ATXN7L3B: variants seen among roughly 807,000 people sequenced by gnomAD.
ATXN7L3B encodes the protein ataxin-7-like protein 3B.
In ATXN7L3B, 4 loss-of-function variants were observed where a neutral mutation model predicts 6.3. The observed-to-expected ratio is 0.63, with a 90% CI of 0.31 to 1.45. The LOEUF (loss-of-function observed/expected upper bound fraction) is 1.45. ATXN7L3B is among the 40% of genes most tolerant of loss of function. ATXN7L3B has a pLI of 0.07. For synonymous variants in ATXN7L3B, 63 were observed against 48.0 expected, an observed-to-expected ratio of 1.31 and a Z score of -1.29; for missense variants, 120 against 118.5, an observed-to-expected ratio of 1.01 and a Z score of -0.06.
rs1446358840 is a variant in ATXN7L3B, at chr12:74,543,286, TA to T, written c.*4881del. ...AATTTACAAGTGGTGGAAGCAAAAG[TA>T]GAATGCTGCTGTTGTGACTCCTAGG... On this transcript the variant is annotated 3_prime_UTR_variant, in exon 1 of 1. Transcript: ENST00000519948. The T allele has an allele frequency of 7.9e-5, 12 of 152,064 alleles. No homozygotes were observed. Among genetic ancestry groups the T allele is most frequent in the Non-Finnish European group, 1.5e-4 (10 of 67,946 alleles). The allele number at this position is 152,064 out of a possible 1,614,324, so 9.4% of individuals were successfully genotyped here.
chr12:74,543,315 A>C lies in ATXN7L3B; in HGVS notation c.*4909A>C, dbSNP rs1290246106. Reference sequence around the variant, plus strand: ...ATGCTGCTGTTGTGACTCCTAGGTCAGCGGTCTTTGTTGAAGCAATGGAGT... The same window carrying C: ...ATGCTGCTGTTGTGACTCCTAGGTCCGCGGTCTTTGTTGAAGCAATGGAGT... On this transcript the variant is annotated 3_prime_UTR_variant, in exon 1 of 1. Coordinates refer to ENST00000519948, the MANE Select transcript of ATXN7L3B (RefSeq NM_001136262.2). 1 of 152,124 alleles carries C rather than the reference A, an allele frequency of 6.6e-6. No individual in the cohort carries two copies. Among genetic ancestry groups the C allele is most frequent in the Non-Finnish European group, 1.5e-5 (1 of 67,972 alleles). The allele number at this position is 152,124 out of a possible 1,614,324, so 9.4% of individuals were successfully genotyped here.
Position 74,542,200 on chromosome 12 carries a change from T to C in ATXN7L3B, c.*3794T>C, listed in dbSNP as rs191001680. 2 of 152,304 alleles carry C rather than the reference T, an allele frequency of 1.3e-5. No homozygotes were observed. The highest frequency in any genetic ancestry group is 1.3e-4 in the Admixed American group (2 of 15,302). The allele number at this position is 152,304 out of a possible 1,614,324, so 9.4% of individuals were successfully genotyped here. ...TCGATGTACTTGTCACTGTCCAGTT[T>C]AAATAGGCCAGGGCCAACGTGGTGA... is the stretch of plus-strand genomic sequence containing the variant. On this transcript the variant is annotated 3_prime_UTR_variant, in exon 1 of 1. Transcript: ENST00000519948.
rs1425707975 is a variant in ATXN7L3B at position 74,538,887 on chromosome 12, A to G, written c.*481A>G. 1 of 171,632 alleles carries G rather than the reference A, an allele frequency of 5.8e-6. No homozygotes were observed. Among genetic ancestry groups the G allele is most frequent in the East Asian group, 1.9e-4 (1 of 5,268 alleles). 10.6% of individuals were successfully genotyped at this position (171,632 alleles called of 1,614,324 possible). A position where few individuals can be genotyped will look rare whatever the true frequency, so the allele number is the denominator to read the frequency against. On this transcript the variant is annotated 3_prime_UTR_variant, in exon 1 of 1. Coordinates refer to ENST00000519948, the MANE Select transcript of ATXN7L3B (RefSeq NM_001136262.2). ...CTCTGTTATGGGCTTCTCTGAGACA[A>G]GTAAATGTCAGGTGCAAGATCTGGA...
At position 74,541,129 on chromosome 12, in the gene ATXN7L3B, AGT is replaced by A. The variant is rs3031589; in HGVS notation, c.*2738_*2739del. ...ACCCTGCAATCCTATTATGTATCTG[AGT>A]GTGTGTGTGTGTGTATGTGTGTGTT... On this transcript the variant is annotated 3_prime_UTR_variant, in exon 1 of 1. Coordinates refer to ENST00000519948, the MANE Select transcript of ATXN7L3B (RefSeq NM_001136262.2). The A allele has an allele frequency of 3.8e-4, 61 of 161,660 alleles. No homozygotes were observed. Among genetic ancestry groups the A allele is most frequent in the Admixed American group, 2.0e-4 (3 of 14,968 alleles). The allele number at this position is 161,660 out of a possible 1,614,324, so 10.0% of individuals were successfully genotyped here.
In ATXN7L3B at chr12:74,542,378, A is replaced by G. The variant is rs1454095832; in HGVS notation, c.*3972A>G. Reference sequence around the variant, plus strand: ...AATTCACTGTAGGGATCTACTATCAATTAGCTTTCAAATACATCTGCAGCA... The same window carrying G: ...AATTCACTGTAGGGATCTACTATCAGTTAGCTTTCAAATACATCTGCAGCA... On this transcript the variant is annotated 3_prime_UTR_variant, in exon 1 of 1. Transcript: ENST00000519948. The G allele has an allele frequency of 6.6e-6, 1 of 152,188 alleles. No homozygotes were observed. The highest frequency in any genetic ancestry group is 1.9e-4 in the East Asian group (1 of 5,202). The allele number at this position is 152,188 out of a possible 1,614,324, so 9.4% of individuals were successfully genotyped here.
rs953311392 is a variant in ATXN7L3B at position 74,544,027 on chromosome 12, A to G, written c.*5621A>G. The G allele has an allele frequency of 6.6e-6, 1 of 152,080 alleles. No homozygotes were observed. The highest frequency in any genetic ancestry group is 2.4e-5 in the African/African-American group (1 of 41,454). The allele number at this position is 152,080 out of a possible 1,614,324, so 9.4% of individuals were successfully genotyped here. On this transcript the variant is annotated 3_prime_UTR_variant, in exon 1 of 1. Coordinates refer to ENST00000519948, the MANE Select transcript of ATXN7L3B (RefSeq NM_001136262.2). Reference sequence around the variant, plus strand: ...TTGTTCTCAGATGACATCTACATCTACATGGATAATTTTATAGAATCTACA... The same window carrying G: ...TTGTTCTCAGATGACATCTACATCTGCATGGATAATTTTATAGAATCTACA...
In ATXN7L3B at chr12:74,540,342, A is replaced by T. The variant is rs897079955; in HGVS notation, c.*1936A>T. ...CTAAGTAGAAGAGCAGTAAAGGCTG[A>T]TTGACACACAGGGGGATGGAGTTGG... On this transcript the variant is annotated 3_prime_UTR_variant, in exon 1 of 1. Transcript: ENST00000519948. 1 of 167,092 alleles carries T rather than the reference A, an allele frequency of 6.0e-6. No individual in the cohort carries two copies. The highest frequency in any genetic ancestry group is 6.5e-5 in the Admixed American group (1 of 15,282). The allele number at this position is 167,092 out of a possible 1,614,324, so 10.4% of individuals were successfully genotyped here.
At position 74,544,790 on chromosome 12, in the gene ATXN7L3B, T is replaced by G. The variant is rs1429118049; in HGVS notation, c.*6384T>G. 2 of 152,038 alleles carry G rather than the reference T, an allele frequency of 1.3e-5. No homozygotes were observed. The highest frequency in any genetic ancestry group is 2.9e-5 in the Non-Finnish European group (2 of 67,882). 9.4% of individuals were successfully genotyped at this position (152,038 alleles called of 1,614,324 possible). A position where few individuals can be genotyped will look rare whatever the true frequency, so the allele number is the denominator to read the frequency against. On this transcript the variant is annotated 3_prime_UTR_variant, in exon 1 of 1. Transcript: ENST00000519948. ...TGTTCGACCATAATAAAAATAGAACTTTCTGTTCATTAAATCATACTAGAA... is the reference window on the plus strand; with the variant it reads ...TGTTCGACCATAATAAAAATAGAACGTTCTGTTCATTAAATCATACTAGAA...
At position 74,542,533 on chromosome 12, in the gene ATXN7L3B, T is replaced by G. The variant is rs1485057377; in HGVS notation, c.*4127T>G. The G allele has an allele frequency of 6.6e-6, 1 of 150,862 alleles. No individual in the cohort carries two copies. Among genetic ancestry groups the G allele is most frequent in the East Asian group, 1.9e-4 (1 of 5,164 alleles). The allele number at this position is 150,862 out of a possible 1,614,324, so 9.3% of individuals were successfully genotyped here. A position where few individuals can be genotyped will look rare whatever the true frequency, so the allele number is the denominator to read the frequency against. ...CTTGACAATGGGACTTTGAAGGTTA[T>G]TTCTTATGTTTTCTGACTAGTATGA... is the stretch of plus-strand genomic sequence containing the variant. On this transcript the variant is annotated 3_prime_UTR_variant, in exon 1 of 1. Transcript: ENST00000519948.
At position 74,539,017 on chromosome 12, in the gene ATXN7L3B, G is replaced by C. The variant is rs1868809276; in HGVS notation, c.*611G>C. ...CAAGAAGAAAAGGTCAAAACCACGT[G>C]TTTCCCAAAAGTCCAGACTACAATG... On this transcript the variant is annotated 3_prime_UTR_variant, in exon 1 of 1. Coordinates refer to ENST00000519948, the MANE Select transcript of ATXN7L3B (RefSeq NM_001136262.2). 1 of 167,982 alleles carries C rather than the reference G, an allele frequency of 6.0e-6. No homozygotes were observed. Among genetic ancestry groups the C allele is most frequent in the Non-Finnish European group, 1.5e-5 (1 of 68,750 alleles). The allele number at this position is 167,982 out of a possible 1,614,324, so 10.4% of individuals were successfully genotyped here. A position where few individuals can be genotyped will look rare whatever the true frequency, so the allele number is the denominator to read the frequency against.
chr12:74,538,065 T>C lies in ATXN7L3B; in HGVS notation c.-48T>C. 2.6e-6 allele frequency: 4 copies of C among 1,528,832 alleles called. No individual in the cohort carries two copies. Among genetic ancestry groups the C allele is most frequent in the Non-Finnish European group, 3.5e-6 (4 of 1,132,402 alleles). 94.7% of individuals were successfully genotyped at this position (1,528,832 alleles called of 1,614,324 possible). A position where few individuals can be genotyped will look rare whatever the true frequency, so the allele number is the denominator to read the frequency against. On this transcript the variant is annotated 5_prime_UTR_variant, in exon 1 of 1. Transcript: ENST00000519948. ...CGGCCCGCGGAGCCAGACGTGTTGC[T>C]GCCGTGAGTAAAACGAGCGCCCTCT...
rs17179875 is a variant in ATXN7L3B at position 74,542,121 on chromosome 12, C to A, written c.*3715C>A. On this transcript the variant is annotated 3_prime_UTR_variant, in exon 1 of 1. Transcript: ENST00000519948. ...AAGAATCTGACTCAATAGGATACCT[C>A]AGGGAAGCTTATAGATGTGTAACAT... The A allele has an allele frequency of 6.6e-6, 1 of 152,150 alleles. No individual in the cohort carries two copies. Among genetic ancestry groups the A allele is most frequent in the Non-Finnish European group, 1.5e-5 (1 of 68,020 alleles). The allele number at this position is 152,150 out of a possible 1,614,324, so 9.4% of individuals were successfully genotyped here.
chr12:74,538,899 G>A lies in ATXN7L3B; in HGVS notation c.*493G>A, dbSNP rs151190293. 1 of 171,292 alleles carries A rather than the reference G, an allele frequency of 5.8e-6. No homozygotes were observed. The highest frequency in any genetic ancestry group is 1.9e-4 in the East Asian group (1 of 5,248). 10.6% of individuals were successfully genotyped at this position (171,292 alleles called of 1,614,324 possible). The stretch of plus-strand genomic sequence containing the variant: ...CTTCTCTGAGACAAGTAAATGTCAG[G>A]TGCAAGATCTGGATACTAACAGTTT... On this transcript the variant is annotated 3_prime_UTR_variant, in exon 1 of 1. Coordinates refer to ENST00000519948, the MANE Select transcript of ATXN7L3B (RefSeq NM_001136262.2).
At position 74,540,081 on chromosome 12, in the gene ATXN7L3B, TTTTTC is replaced by T. The variant is rs1385548852; in HGVS notation, c.*1679_*1683del. 1 of 165,926 alleles carries T rather than the reference TTTTTC, an allele frequency of 6.0e-6. No homozygotes were observed. Among genetic ancestry groups the T allele is most frequent in the Non-Finnish European group, 1.5e-5 (1 of 68,092 alleles). The allele number at this position is 165,926 out of a possible 1,614,324, so 10.3% of individuals were successfully genotyped here. On this transcript the variant is annotated 3_prime_UTR_variant, in exon 1 of 1. Transcript: ENST00000519948. ...CTTTTTTCTTGGCCTCTGTTTTTTT[TTTTTC>T]TTTCTTTTTCCCTTGTTTTTGTAGA...
At position 74,537,837 on chromosome 12, in the gene ATXN7L3B, G is replaced by A; in HGVS notation, c.-276G>A. ...CGACAGGGGAGCGGAAGAGGCCCAG[G>A]AGGCTGGGTGAGGCGCTGAGACGGT... On this transcript the variant is annotated 5_prime_UTR_variant, in exon 1 of 1. Coordinates refer to ENST00000519948, the MANE Select transcript of ATXN7L3B (RefSeq NM_001136262.2). 2.3e-6 allele frequency: 1 copy of A among 434,282 alleles called. No individual in the cohort carries two copies. Among genetic ancestry groups the A allele is most frequent in the South Asian group, 2.6e-5 (1 of 38,826 alleles). 26.9% of individuals were successfully genotyped at this position (434,282 alleles called of 1,614,324 possible).
In ATXN7L3B at chr12:74,543,468, C is replaced by G. The variant is rs1868947258; in HGVS notation, c.*5062C>G. The stretch of plus-strand genomic sequence containing the variant: ...TTTAAAATAGAACTCAAAAGTAACT[C>G]AAGGAATTGTTAATTTTTTAAGTAA... On this transcript the variant is annotated 3_prime_UTR_variant, in exon 1 of 1. Transcript: ENST00000519948. 1 of 152,054 alleles carries G rather than the reference C, an allele frequency of 6.6e-6. No individual in the cohort carries two copies. Among genetic ancestry groups the G allele is most frequent in the Admixed American group, 6.5e-5 (1 of 15,272 alleles). The allele number at this position is 152,054 out of a possible 1,614,324, so 9.4% of individuals were successfully genotyped here.
At position 74,537,847 on chromosome 12, in the gene ATXN7L3B, G is replaced by A. The variant is rs940693278; in HGVS notation, c.-266G>A. ...GCGGAAGAGGCCCAGGAGGCTGGGT[G>A]AGGCGCTGAGACGGTTTGGCGGTGA... is the stretch of plus-strand genomic sequence containing the variant. On this transcript the variant is annotated 5_prime_UTR_variant, in exon 1 of 1. Transcript: ENST00000519948. The A allele has an allele frequency of 1.8e-5, 8 of 455,042 alleles. No homozygotes were observed. The highest frequency in any genetic ancestry group is 2.4e-5 in the Non-Finnish European group (6 of 251,856). 28.2% of individuals were successfully genotyped at this position (455,042 alleles called of 1,614,324 possible).
chr12:74,538,341 C>G lies in ATXN7L3B; in HGVS notation c.229C>G (p.Leu77Val), dbSNP rs1354511405. Residue 77 changes from leucine to valine, a missense_variant, in exon 1 of 1, where the codon CTT becomes GTT. Transcript: ENST00000519948. ...KGACRLPLCS[L>V]PGEPGNGPDQ... ...AGCGTGCCGCCTCCCGCTTTGCTCC[C>G]TTCCCGGAGAACCTGGGAATGGGCC... is the stretch of plus-strand genomic sequence containing the variant. 1 of 1,552,176 alleles carries G rather than the reference C, an allele frequency of 6.4e-7. No homozygotes were observed. Among genetic ancestry groups the G allele is most frequent in the Non-Finnish European group, 8.7e-7 (1 of 1,147,212 alleles).
In ATXN7L3B at chr12:74,538,265, A is replaced by G. The variant is rs1413645290; in HGVS notation, c.153A>G (p.Ala51=). 2.5e-6 allele frequency: 4 copies of G among 1,580,460 alleles called. No individual in the cohort carries two copies. Among genetic ancestry groups the G allele is most frequent in the Non-Finnish European group, 3.4e-6 (4 of 1,163,228 alleles). Residue 51 remains alanine, a synonymous_variant, in exon 1 of 1, where the codon GCA becomes GCG. Coordinates refer to ENST00000519948, the MANE Select transcript of ATXN7L3B (RefSeq NM_001136262.2). ...GTGGCTACTTCTACCTGGAGTTCGC[A>G]GAGACTGGTAGCGTGAAGGATTTTG... ...VKCGYFYLEF[A]ETGSVKDFGI...
Sources: gnomAD v4.1 joint callset for allele counts on GRCh38, gnomAD v4.1.1 for gene constraint, MANE v1.5 for transcripts, NCBI Gene and HGNC (gene_info 2026-07-23, HGNC 2026-07-21) for gene names.